The following CIMAP1D variants were observed in gnomAD, a reference collection of about 807,000 sequenced individuals.
CIMAP1D encodes the protein protein CIMAP1D.
the CIMAP1D span, among the ~76,000 whole-genome samples, chr19:480,252 G>A: frequency 6.6e-6 from 1 of 152,262 alleles, no homozygotes; most frequent in East Asian, 1.9e-4. Context: ...GAGAAGAGGA[G>A]CCGGGAGGAA....
chr19:481,770 C>CTTT, the CIMAP1D span, among the ~76,000 whole-genome samples: 321 of 106,748 alleles, frequency 3.0e-3, 5 homozygotes, highest in East Asian at 0.027. Context: ...GAACCTCCTA[C>CTTT]TTTTTTTTTT....
chr19:491,587 C>T, the CIMAP1D span, among the ~76,000 whole-genome samples: 1 of 151,956 alleles, frequency 6.6e-6, no homozygotes, highest in Non-Finnish European at 1.5e-5. Flanking sequence ...GAGCAGCTGA[C>T]CAGGGCCCCA....
chr19:484,006 A>G, the CIMAP1D span, among the ~76,000 whole-genome samples: 1 of 152,204 alleles, frequency 6.6e-6, no homozygotes, highest in Non-Finnish European at 1.5e-5. Context: ...GTTGCTGGGC[A>G]ACGTTCCATC....
chr19:474,734 C>T, the CIMAP1D span: 1 of 1,536,372 alleles, frequency 6.5e-7, no homozygotes, highest in Non-Finnish European at 8.8e-7. Flanking sequence ...GGAGTCGCAG[C>T]TGAGGGTCCC....
the CIMAP1D span, among the ~76,000 whole-genome samples, chr19:478,038 C>T: frequency 6.6e-6 from 1 of 152,250 alleles, no homozygotes; most frequent in Non-Finnish European, 1.5e-5. Context: ...CACGAGGGCC[C>T]CCAGCCCACA....
At chr19:473,875 C>G in the CIMAP1D span, among the ~76,000 whole-genome samples, 5 of 143,700 alleles carry the variant, frequency 3.5e-5, no homozygotes, top group African/African-American at 1.0e-4. Flanking sequence ...GAGACTGAGG[C>G]CCAGGCAGAG....
the CIMAP1D span, among the ~76,000 whole-genome samples, chr19:469,616 G>T: frequency 6.6e-6 from 1 of 151,992 alleles, no homozygotes; most frequent in Admixed American, 6.6e-5. Context: ...CTTGAACCCC[G>T]GGAGGCAGAG....
the CIMAP1D span, among the ~76,000 whole-genome samples, chr19:491,004 CAG>C: frequency 1.3e-5 from 2 of 151,654 alleles, no homozygotes; most frequent in African/African-American, 2.4e-5. Context: ...GAGTCTGAGA[CAG>C]AATTGCTTAA....
the CIMAP1D span, among the ~76,000 whole-genome samples, chr19:486,266 C>T: frequency 2.6e-5 from 4 of 152,144 alleles, no homozygotes; most frequent in Non-Finnish European, 5.9e-5. Context: ...TCCTACAAGC[C>T]CAGGTCCTTC....
chr19:479,784 C>G, the CIMAP1D span, among the ~76,000 whole-genome samples: 2 of 152,240 alleles, frequency 1.3e-5, no homozygotes, highest in East Asian at 3.8e-4. Context: ...GATCCGCCTG[C>G]CTCGGCCTCC....
chr19:475,303 A>C, the CIMAP1D span, among the ~76,000 whole-genome samples: 1 of 152,214 alleles, frequency 6.6e-6, no homozygotes, highest in East Asian at 1.9e-4. Context: ...CTGGGCACCT[A>C]CTGTGTACCA....
At chr19:478,219 G>A in the CIMAP1D span, among the ~76,000 whole-genome samples, 1 of 152,212 alleles carries the variant, frequency 6.6e-6, no homozygotes, top group East Asian at 1.9e-4. Context: ...CAGGACCCCA[G>A]GGGCTCCCAC....
chr19:481,436 G>A, the CIMAP1D span, among the ~76,000 whole-genome samples: 3 of 78,532 alleles, frequency 3.8e-5, no homozygotes, highest in African/African-American at 1.5e-4. Context: ...GAAGGATGAT[G>A]GGGAAGGATG....
the CIMAP1D span, among the ~76,000 whole-genome samples, chr19:480,495 G>GATGATGGAAAACA: frequency 7.7e-6 from 1 of 129,532 alleles, no homozygotes; most frequent in African/African-American, 4.1e-5. Context: ...TGATGGTAAG[G>GATGATGGAAAACA]ATGATGGAGA....
At chr19:486,685 C>G in the CIMAP1D span, among the ~76,000 whole-genome samples, 1 of 151,658 alleles carries the variant, frequency 6.6e-6, no homozygotes, top group African/African-American at 2.4e-5. Flanking sequence ...GAGGCTGAGG[C>G]GAGCAGATCA....
chr19:467,725 G>A, the CIMAP1D span: 1 of 1,610,616 alleles, frequency 6.2e-7, no homozygotes, highest in Non-Finnish European at 8.5e-7. Context: ...TGGGGTCCAA[G>A]AAGTAGATGG....
chr19:488,619 T>C, the CIMAP1D span, among the ~76,000 whole-genome samples: 29 of 148,910 alleles, frequency 1.9e-4, no homozygotes, highest in Non-Finnish European at 2.4e-4. Flanking sequence ...AACCACGGCC[T>C]CCCGGTGACC....
At chr19:465,944 GTGGATGCTAGGTGGGTGGA>G in the CIMAP1D span, among the ~76,000 whole-genome samples, 1 of 100,028 alleles carries the variant, frequency 1.0e-5, no homozygotes, top group Non-Finnish European at 2.3e-5. Flanking sequence ...GGTTGGGTGG[GTGGATGCTAGGTGGGTGGA>G]TGGATGAGTG....
chr19:488,060 G>C, the CIMAP1D span, among the ~76,000 whole-genome samples: 5 of 152,142 alleles, frequency 3.3e-5, no homozygotes, highest in Non-Finnish European at 7.3e-5. Flanking sequence ...CGGACCCCCT[G>C]AGAGTTGTGA....
Sources: gnomAD v4.1 joint callset for allele counts (sites outside exome capture counted in the v4.1 genomes callset) on GRCh38, gnomAD v4.1.1 for gene constraint, MANE v1.5 for transcripts, NCBI Gene and HGNC (gene_info 2026-07-23, HGNC 2026-07-21) for gene names.